ZNF766: variants seen among roughly 807,000 people sequenced by gnomAD.
ZNF766 encodes the protein zinc finger protein 766.
A neutral mutation model predicts 13.2 loss-of-function variants in ZNF766; 13 were observed. The ratio of observed to expected loss-of-function variants is 0.98; its 90% confidence interval spans 0.64 to 1.56. The LOEUF (loss-of-function observed/expected upper bound fraction) is 1.56, where lower values mean the gene tolerates loss of function less well. ZNF766 is among the 40% of genes most tolerant of loss of function. The pLI, the probability that ZNF766 is intolerant of heterozygous loss-of-function variation, is 0.00. For synonymous variants in ZNF766, 178 were observed against 187.6 expected (o/e 0.95, Z 0.42); for missense variants, 521 against 552.2 (o/e 0.94, Z 0.57).
chr19:52,274,228 AC>A (rs1386007467), intron 1 of ZNF766, among the ~76,000 whole-genome samples: 1 of 152,080 alleles, frequency 6.6e-6, no homozygotes, highest in African/African-American at 2.4e-5. Flanking sequence ...CCCCAAGACT[AC>A]CCAAATCAGA....
chr19:52,290,530 G>A lies in ZNF766; in HGVS notation c.739G>A (p.Glu247Lys). 1 of 1,614,130 alleles carries A rather than the reference G, an allele frequency of 6.2e-7. No individual in the cohort carries two copies. Among genetic ancestry groups the A allele is most frequent in the Non-Finnish European group, 8.5e-7 (1 of 1,180,018 alleles). ...AGGAGAGAAACCTTACAAATGTAAA[G>A]AGTGTGGCAAGCTCTTCAATCGAAT... ...RTGEKPYKCK[E>K]CGKLFNRIAY... Residue 247 changes from glutamate to lysine, a missense_variant, in exon 4 of 4, where the codon GAG (glutamate) becomes AAG (lysine). Glu to Lys is a moderately conservative substitution (Grantham distance 56). Coordinates refer to ENST00000439461, the MANE Select transcript of ZNF766 (RefSeq NM_001010851.3).
intron 1 of ZNF766, chr19:52,281,524 A>G (rs1433744792): frequency 3.5e-6 from 1 of 287,542 alleles, no homozygotes; most frequent in Non-Finnish European, 6.8e-6. Context: ...GTCAATAAAA[A>G]AAAATGTGTT....
intron 1 of ZNF766, chr19:52,277,414 G>C: frequency 6.9e-7 from 1 of 1,446,314 alleles, no homozygotes; most frequent in Non-Finnish European, 9.4e-7. Context: ...AGCTGAGATC[G>C]GGCCACGGCA....
In ZNF766 at chr19:52,290,169, T is replaced by C. The variant is rs1257741011; in HGVS notation, c.378T>C (p.Gly126=). The C allele has an allele frequency of 6.2e-7, 1 of 1,614,046 alleles. No individual in the cohort carries two copies. The highest frequency in any genetic ancestry group is 1.7e-5 in the Admixed American group (1 of 60,014). The change falls in exon 4 of 4, where the codon GGT becomes GGC. Residue 126 remains glycine, a synonymous_variant. Transcript: ENST00000439461. The part of the protein sequence containing the change: ...LPLPELEIFQ[G]EGKIYECNQV... ...TGCCAGAACTGGAGATATTTCAAGG[T>C]GAAGGGAAGATTTATGAATGTAATC... is the stretch of plus-strand genomic sequence containing the variant.
rs531781749 is a variant in ZNF766 at position 52,284,552 on chromosome 19, AG to A, written c.274+1140del. On this transcript the variant is annotated intron_variant, in intron 3 of 3. Coordinates refer to ENST00000439461, the MANE Select transcript of ZNF766 (RefSeq NM_001010851.3). ...AAATGTGTGGAGATTTCTCCCCACC[AG>A]CAACCAGTTTTGGGGTTTCCTGCAA... Among the ~76,000 whole-genome samples the A allele has an allele frequency of 1.9e-3, 286 of 152,266 alleles. 1 individual carries two copies. The highest frequency in any genetic ancestry group is 6.4e-3 in the African/African-American group (268 of 41,554).
intron 1 of ZNF766, among the ~76,000 whole-genome samples, chr19:52,271,511 C>A (rs1006872691): frequency 6.6e-6 from 1 of 152,216 alleles, no homozygotes; most frequent in Non-Finnish European, 1.5e-5. Flanking sequence ...GTCCCTCCCC[C>A]TGGCTGTTGC....
chr19:52,269,750 T>A, intron 1 of ZNF766, 119 bp downstream of exon 1: 1 of 1,300,878 alleles, frequency 7.7e-7, no homozygotes, highest in Non-Finnish European at 1.1e-6. Context: ...CCACCCCGAG[T>A]AAATTCATGC....
intron 1 of ZNF766, among the ~76,000 whole-genome samples, chr19:52,279,106 T>C (rs1443295998): frequency 6.6e-6 from 1 of 152,222 alleles, no homozygotes; most frequent in Non-Finnish European, 1.5e-5. Context: ...TAGCTGGTTA[T>C]CCAGCACCGT....
In ZNF766 at chr19:52,282,274, C is replaced by G. The variant is rs1399072061; in HGVS notation, c.145+37C>G. 1.9e-6 allele frequency: 3 copies of G among 1,551,952 alleles called. No individual in the cohort carries two copies. In the East Asian group the frequency reaches 7.1e-5, roughly 37 times the overall value. Reference sequence around the variant, plus strand: ...GCCCCTCCAGAAGTTGGGGTCTGCCCTTAGTATCTCTGCATTTTCCCTTGT... The same window carrying G: ...GCCCCTCCAGAAGTTGGGGTCTGCCGTTAGTATCTCTGCATTTTCCCTTGT... On this transcript the variant is annotated intron_variant, in intron 2 of 3. Coordinates refer to ENST00000439461, the MANE Select transcript of ZNF766 (RefSeq NM_001010851.3).
chr19:52,286,187 T>TCCCC (rs1217551547), intron 3 of ZNF766, among the ~76,000 whole-genome samples: 7,940 of 126,020 alleles, frequency 0.063, 613 homozygotes, highest in African/African-American at 0.18. Flanking sequence ...AAGTGGGCTT[T>TCCCC]TCCCCCCTAA....
At chr19:52,278,895 A>G (rs1981346002) in intron 1 of ZNF766, among the ~76,000 whole-genome samples, 1 of 152,092 alleles carries the variant, frequency 6.6e-6, no homozygotes, top group Non-Finnish European at 1.5e-5. Context: ...ATCACTTGTC[A>G]ATTGTTGTTT....
Position 52,290,691 on chromosome 19 carries a change from A to G in ZNF766, c.900A>G (p.Lys300=). The change falls in exon 4 of 4, where the codon AAA becomes AAG. Residue 300 remains lysine (K), a synonymous_variant. Coordinates refer to ENST00000439461, the MANE Select transcript of ZNF766 (RefSeq NM_001010851.3). ...TTCATACTAGAGAGAAACCTCATAA[A>G]TGTAACAAATGTGGCAAGGTTTATA... The part of the protein sequence containing the change: ...QKIHTREKPH[K]CNKCGKVYSS... The G allele has an allele frequency of 6.2e-7, 1 of 1,613,816 alleles. No individual in the cohort carries two copies. The highest frequency in any genetic ancestry group is 1.1e-5 in the South Asian group (1 of 91,044).
chr19:52,293,020 G>A lies in ZNF766; in HGVS notation c.*1822G>A, dbSNP rs1342303505. 1.3e-5 allele frequency: 2 copies of A among 151,982 alleles called. No homozygotes were observed. The highest frequency in any genetic ancestry group is 2.9e-5 in the Non-Finnish European group (2 of 68,022). The allele number at this position is 151,982 out of a possible 1,614,324, so 9.4% of individuals were successfully genotyped here. A position where few individuals can be genotyped will look rare whatever the true frequency, so the allele number is the denominator to read the frequency against. ...GTGATGTTACCCGCCTTGTGTCCAG[G>A]TGTTCTCATTGATCAATTCCCACCT... On this transcript the variant is annotated 3_prime_UTR_variant, in exon 4 of 4. Coordinates refer to ENST00000439461, the MANE Select transcript of ZNF766 (RefSeq NM_001010851.3).
chr19:52,295,158 T>C lies in ZNF766; in HGVS notation c.*3960T>C, dbSNP rs1261258101. On this transcript the variant is annotated 3_prime_UTR_variant, in exon 4 of 4. Coordinates refer to ENST00000439461, the MANE Select transcript of ZNF766 (RefSeq NM_001010851.3). ...TTTTTTTTACTTTTTTCTTTTTCTG[T>C]ACATTGCATCCAGATGCTATGCTTG... The C allele has an allele frequency of 1.3e-5, 2 of 151,750 alleles. No homozygotes were observed. The highest frequency in any genetic ancestry group is 2.9e-5 in the Non-Finnish European group (2 of 67,972). 9.4% of individuals were successfully genotyped at this position (151,750 alleles called of 1,614,324 possible). A position where few individuals can be genotyped will look rare whatever the true frequency, so the allele number is the denominator to read the frequency against.
chr19:52,271,120 C>T (rs1980955144), intron 1 of ZNF766, among the ~76,000 whole-genome samples: 1 of 152,062 alleles, frequency 6.6e-6, no homozygotes, highest in African/African-American at 2.4e-5. Context: ...GAATGGTTCC[C>T]AGAACTCAGA....
Position 52,293,422 on chromosome 19 carries a change from A to G in ZNF766, c.*2224A>G, listed in dbSNP as rs35659666. 0.25 allele frequency: 37,981 copies of G among 151,884 alleles called. 4,940 individuals carry two copies. The highest frequency in any genetic ancestry group is 0.47 in the East Asian group (2,410 of 5,116). 9.4% of individuals were successfully genotyped at this position (151,884 alleles called of 1,614,324 possible). A position where few individuals can be genotyped will look rare whatever the true frequency, so the allele number is the denominator to read the frequency against. ...AGTCCTGACCTCGGGTGATCCAGCC[A>G]CCTCGGGTTCCCGAAGTGCTAAGAT... On this transcript the variant is annotated 3_prime_UTR_variant, in exon 4 of 4. Coordinates refer to ENST00000439461, the MANE Select transcript of ZNF766 (RefSeq NM_001010851.3).
chr19:52,278,367 CT>C (rs1163047200), intron 1 of ZNF766, among the ~76,000 whole-genome samples: 1 of 152,062 alleles, frequency 6.6e-6, no homozygotes, highest in African/African-American at 2.4e-5. Flanking sequence ...TGTATGTCTA[CT>C]TTTGAGAGGT....
At chr19:52,272,703 T>A (rs1056078101) in intron 1 of ZNF766, among the ~76,000 whole-genome samples, 4 of 152,084 alleles carry the variant, frequency 2.6e-5, no homozygotes, top group African/African-American at 9.7e-5. Flanking sequence ...ACTCTTCTCA[T>A]CTCTTTTCAC....
chr19:52,280,569 A>G (rs1222197844), intron 1 of ZNF766, among the ~76,000 whole-genome samples: 9 of 151,874 alleles, frequency 5.9e-5, no homozygotes, highest in Admixed American at 5.9e-4. Context: ...GAATTTTTTA[A>G]TTTTAATTTT....
Sources: allele counts gnomAD v4.1 joint callset (sites outside exome capture counted in the v4.1 genomes callset), GRCh38; gene constraint gnomAD v4.1.1; transcripts MANE v1.5; gene names NCBI Gene and HGNC (gene_info 2026-07-23, HGNC 2026-07-21).